Variants in MAL2 observed in about 807,000 individuals in gnomAD.
The protein encoded by MAL2 is mal, T cell differentiation protein 2.
A neutral mutation model predicts 18.1 loss-of-function variants in MAL2; 17 were observed. The ratio of observed to expected loss-of-function variants is 0.94; its 90% CI spans 0.64 to 1.41. The LOEUF (loss-of-function observed/expected upper bound fraction) is 1.41. MAL2 is among the 40% of genes most tolerant of loss of function. The pLI, the probability that MAL2 is intolerant of heterozygous loss-of-function variation, is 0.00. For missense variants in MAL2, 222 were observed against 231.9 expected, an observed-to-expected ratio of 0.96 and a Z score of 0.28; for synonymous variants, 102 against 102.3, an observed-to-expected ratio of 1.00 and a Z score of 0.02.
chr8:119,242,479 A>G (rs73709684), intron 3 of MAL2, among the ~76,000 whole-genome samples: 12,168 of 152,238 alleles, frequency 0.08, 1,413 homozygotes, highest in African/African-American at 0.26. Context: ...CATTTGGGAA[A>G]TTAGAGAGGA....
At chr8:119,221,851 C>G in intron 2 of MAL2, 94 bp downstream of exon 2, 1 of 1,345,682 alleles carries the variant, frequency 7.4e-7, no homozygotes, top group Non-Finnish European at 1.0e-6. Flanking sequence ...TTCTGTTGCC[C>G]CTAATGGGAG....
At chr8:119,231,318 C>A (rs1817722864) in intron 2 of MAL2, among the ~76,000 whole-genome samples, 1 of 152,228 alleles carries the variant, frequency 6.6e-6, no homozygotes, top group African/African-American at 2.4e-5. Context: ...AGGCGTGAGC[C>A]ACTGTGCCCA....
intron 2 of MAL2, among the ~76,000 whole-genome samples, chr8:119,238,535 G>A (rs533515070): frequency 1.2e-4 from 18 of 150,144 alleles, no homozygotes; most frequent in Middle Eastern, 3.5e-3. Flanking sequence ...ATACTACAAG[G>A]CTACAGTAAC....
chr8:119,237,610 C>T (rs1207872788), intron 2 of MAL2, among the ~76,000 whole-genome samples: 1 of 151,680 alleles, frequency 6.6e-6, no homozygotes, highest in Admixed American at 6.5e-5. Context: ...GGGCTTCATC[C>T]CTGGGATGCA....
intron 3 of MAL2, among the ~76,000 whole-genome samples, chr8:119,242,120 CTTGTATCTTGGATCA>C (rs1431109884): frequency 1.3e-5 from 2 of 152,174 alleles, no homozygotes; most frequent in Admixed American, 6.5e-5. Flanking sequence ...AGGCTAGATT[CTTGTATCTTGGATCA>C]TTGAAGTAGC....
At chr8:119,214,409 A>G (rs1817312576) in intron 1 of MAL2, among the ~76,000 whole-genome samples, 1 of 152,224 alleles carries the variant, frequency 6.6e-6, no homozygotes, top group Non-Finnish European at 1.5e-5. Flanking sequence ...GACAACATAT[A>G]TAACAATCTC....
intron 1 of MAL2, among the ~76,000 whole-genome samples, chr8:119,211,695 G>A (rs1817270126): frequency 1.1e-5 from 1 of 86,958 alleles, no homozygotes; most frequent in Non-Finnish European, 2.1e-5. Flanking sequence ...CGTGCATAGT[G>A]ATTTTTTTTT....
intron 2 of MAL2, among the ~76,000 whole-genome samples, chr8:119,230,439 TG>T (rs536966189): frequency 7.9e-6 from 1 of 126,664 alleles, no homozygotes; most frequent in South Asian, 2.8e-4. Context: ...TTGGCAGGAT[TG>T]GGGGGGCGGG....
At chr8:119,225,129 T>C (rs1817558586) in intron 2 of MAL2, among the ~76,000 whole-genome samples, 1 of 152,144 alleles carries the variant, frequency 6.6e-6, no homozygotes, top group South Asian at 2.1e-4. Flanking sequence ...TCACTCCAAC[T>C]TTTTTTATAC....
chr8:119,227,562 C>T (rs1817621745), intron 2 of MAL2, among the ~76,000 whole-genome samples: 1 of 152,188 alleles, frequency 6.6e-6, no homozygotes, highest in Non-Finnish European at 1.5e-5. Context: ...GGCCTTGGCT[C>T]ATGCATTGTA....
At chr8:119,242,684 C>A (rs1463803973) in intron 3 of MAL2, among the ~76,000 whole-genome samples, 4 of 152,102 alleles carry the variant, frequency 2.6e-5, no homozygotes, top group Non-Finnish European at 5.9e-5. Context: ...TATTCCTTCC[C>A]AGAACTGGTT....
chr8:119,218,230 C>T (rs1406866960), intron 1 of MAL2, among the ~76,000 whole-genome samples: 2 of 152,066 alleles, frequency 1.3e-5, no homozygotes, highest in Non-Finnish European at 2.9e-5. Flanking sequence ...GGCATTCCTA[C>T]ACTCCTTCCC....
At chr8:119,242,591 G>A (rs993479522) in intron 3 of MAL2, among the ~76,000 whole-genome samples, 1 of 152,128 alleles carries the variant, frequency 6.6e-6, no homozygotes, top group South Asian at 2.1e-4. Flanking sequence ...GATTAGAAAT[G>A]TATCAGAGAA....
At chr8:119,223,185 T>C (rs1364384554) in intron 2 of MAL2, 1 of 152,194 alleles carries the variant, frequency 6.6e-6, no homozygotes, top group Non-Finnish European at 1.5e-5. Context: ...TAATCCTAAA[T>C]GTTATTAGTG....
Position 119,224,398 on chromosome 8 carries a change from A to G in MAL2, c.303+2641A>G, listed in dbSNP as rs568182654. 6 of 152,272 alleles carry G rather than the reference A, an allele frequency of 3.9e-5. No homozygotes were observed. The South Asian group carries it at 8.3e-4, about 21-fold the overall frequency. 9.4% of individuals were successfully genotyped at this position (152,272 alleles called of 1,614,324 possible). The stretch of plus-strand genomic sequence containing the variant: ...GTCCCCTTTGTAGGGGAAGGGTACT[A>G]AGGAAAGATACATTTTAGAAAAATA... On this transcript the variant is annotated intron_variant, in intron 2 of 3. Transcript: ENST00000614891.
chr8:119,214,280 G>C (rs541143909), intron 1 of MAL2, among the ~76,000 whole-genome samples: 3 of 152,206 alleles, frequency 2.0e-5, no homozygotes, highest in Non-Finnish European at 4.4e-5. Context: ...CTTGGGAGTA[G>C]ATGCCCTCTT....
At chr8:119,221,363 T>C in intron 1 of MAL2, 2 of 504,390 alleles carry the variant, frequency 4.0e-6, no homozygotes, top group Non-Finnish European at 7.1e-6. Context: ...AAGATACAGG[T>C]GTGGAGTTGG....
intron 2 of MAL2, among the ~76,000 whole-genome samples, chr8:119,233,381 T>A (rs553143778): frequency 7.2e-5 from 11 of 152,130 alleles, no homozygotes; most frequent in South Asian, 4.2e-4. Flanking sequence ...AATTAATGAA[T>A]CCAGGAGCTG....
At chr8:119,216,725 C>T (rs940280337) in intron 1 of MAL2, among the ~76,000 whole-genome samples, 1 of 152,162 alleles carries the variant, frequency 6.6e-6, no homozygotes, top group African/African-American at 2.4e-5. Flanking sequence ...ACGGAAAGTT[C>T]TAAATAGTGT....
Sources: allele counts gnomAD v4.1 joint callset (sites outside exome capture counted in the v4.1 genomes callset), GRCh38; gene constraint gnomAD v4.1.1; transcripts MANE v1.5; gene names NCBI Gene and HGNC (gene_info 2026-07-23, HGNC 2026-07-21).